Variants in ZBED4 observed in about 807,000 individuals in gnomAD.
The protein encoded by ZBED4 is zinc finger BED domain-containing protein 4.
In ZBED4, 4 loss-of-function variants were observed where a neutral mutation model predicts 15.5. The ratio of observed to expected loss-of-function variants is 0.26; its 90% CI spans 0.13 to 0.59. The LOEUF (loss-of-function observed/expected upper bound fraction) is 0.59. Ranked by LOEUF, ZBED4 falls within the 20% of genes least tolerant of loss-of-function variation. The pLI is 0.90. For synonymous variants in ZBED4, 692 were observed against 608.5 expected, an observed-to-expected ratio of 1.14 and a Z score of -2.02; for missense variants, 1,323 against 1,461.8, an observed-to-expected ratio of 0.91 and a Z score of 1.55.
chr22:49,861,829 T>C (rs1235024842), intron 1 of ZBED4, among the ~76,000 whole-genome samples: 2 of 152,228 alleles, frequency 1.3e-5, no homozygotes, highest in African/African-American at 4.8e-5. Flanking sequence ...CCGCTGTGAC[T>C]GACGTTGCCG....
chr22:49,862,365 A>G (rs1042819799), intron 1 of ZBED4, among the ~76,000 whole-genome samples: 1 of 152,272 alleles, frequency 6.6e-6, no homozygotes, highest in Admixed American at 6.5e-5. Context: ...GTGGCCTGCA[A>G]GTAGCTGGGA....
chr22:49,862,274 GTCTT>G (rs1276949191), intron 1 of ZBED4, among the ~76,000 whole-genome samples: 1 of 151,638 alleles, frequency 6.6e-6, no homozygotes, highest in African/African-American at 2.4e-5. Context: ...TGGTTTCTCT[GTCTT>G]TCTTATTTTT....
intron 1 of ZBED4, among the ~76,000 whole-genome samples, chr22:49,878,121 G>A (rs537827803): frequency 1.0e-3 from 157 of 152,020 alleles, no homozygotes; most frequent in African/African-American, 3.5e-3. Context: ...CCTGGCCAAC[G>A]TGGTGAAACA....
chr22:49,878,736 A>G (rs2060391463), intron 1 of ZBED4, among the ~76,000 whole-genome samples: 1 of 152,210 alleles, frequency 6.6e-6, no homozygotes, highest in African/African-American at 2.4e-5. Flanking sequence ...ATGCTCTTCA[A>G]AATACACTAG....
chr22:49,885,994 G>A lies in ZBED4; in HGVS notation c.2332G>A (p.Asp778Asn), dbSNP rs199547942. ...GTTGGACGTGTCGCAGGTGGACTGCGACTACAGTGGCAACAGCATTCAGAA... is the reference window on the plus strand; with the variant it reads ...GTTGGACGTGTCGCAGGTGGACTGCAACTACAGTGGCAACAGCATTCAGAA... ...ALLDVSQVDC[D>N]YSGNSIQKQL... The change falls in exon 2 of 2, where the codon GAC becomes AAC. Residue 778 changes from aspartate to asparagine, a missense_variant. This residue lies in a region of ZBED4 where 100 missense variants were observed against 79.3 expected (regional missense o/e 1.26). Transcript: ENST00000216268. 80 of 693,604 alleles carry A rather than the reference G, an allele frequency of 1.2e-4. No homozygotes were observed. Among genetic ancestry groups the A allele is most frequent in the Non-Finnish European group, 4.5e-5 (17 of 378,520 alleles). The allele number at this position is 693,604 out of a possible 1,614,324, so 43.0% of individuals were successfully genotyped here. A position where few individuals can be genotyped will look rare whatever the true frequency, so the allele number is the denominator to read the frequency against.
At chr22:49,864,839 A>AAAAG (rs1555922729) in intron 1 of ZBED4, among the ~76,000 whole-genome samples, 1,878 of 133,040 alleles carry the variant, frequency 0.014, 135 homozygotes, top group African/African-American at 0.041. Flanking sequence ...AAAAAAAAAA[A>AAAAG]GCCCTGATTA....
chr22:49,856,402 G>A (rs1184353685), intron 1 of ZBED4, among the ~76,000 whole-genome samples: 2 of 152,220 alleles, frequency 1.3e-5, no homozygotes. Flanking sequence ...CAGTTTCTCA[G>A]GAAAGCATGC....
At chr22:49,861,548 T>C (rs560645890) in intron 1 of ZBED4, among the ~76,000 whole-genome samples, 7 of 151,566 alleles carry the variant, frequency 4.6e-5, no homozygotes, top group Admixed American at 3.3e-4. Flanking sequence ...ATTTTCTCAC[T>C]GTACCCTCCT....
At position 49,883,537 on chromosome 22, in the gene ZBED4, T is replaced by C; in HGVS notation, c.-126T>C. On this transcript the variant is annotated 5_prime_UTR_variant, in exon 2 of 2. Transcript: ENST00000216268. Reference sequence around the variant, plus strand: ...TACTATTTATGATTAGCCATATTTCTAGAAACATCCTGAAAGATGGAATTA... The same window carrying C: ...TACTATTTATGATTAGCCATATTTCCAGAAACATCCTGAAAGATGGAATTA... The C allele has an allele frequency of 7.6e-7, 1 of 1,317,198 alleles. No individual in the cohort carries two copies. 81.6% of individuals were successfully genotyped at this position (1,317,198 alleles called of 1,614,324 possible). A position where few individuals can be genotyped will look rare whatever the true frequency, so the allele number is the denominator to read the frequency against.
At chr22:49,864,952 C>G (rs1408102461) in intron 1 of ZBED4, among the ~76,000 whole-genome samples, 3 of 120,544 alleles carry the variant, frequency 2.5e-5, no homozygotes, top group Admixed American at 1.5e-4. Flanking sequence ...CCCCCCCCCC[C>G]GTGAAGTCAG....
intron 1 of ZBED4, among the ~76,000 whole-genome samples, chr22:49,877,306 T>C (rs2060382137): frequency 7.4e-6 from 1 of 135,106 alleles, no homozygotes; most frequent in East Asian, 2.2e-4. Flanking sequence ...TATTTATTTA[T>C]TTTGAGATGG....
chr22:49,879,951 G>T (rs553789768), intron 1 of ZBED4, among the ~76,000 whole-genome samples: 2 of 148,524 alleles, frequency 1.3e-5, no homozygotes, highest in African/African-American at 4.9e-5. Context: ...CTATTGGTTG[G>T]TTTTTCTCCT....
chr22:49,867,724 A>T (rs189709277), intron 1 of ZBED4, among the ~76,000 whole-genome samples: 1 of 152,190 alleles, frequency 6.6e-6, no homozygotes, highest in Non-Finnish European at 1.5e-5. Context: ...CAGATCTAAT[A>T]CCATCTAGGC....
intron 1 of ZBED4, among the ~76,000 whole-genome samples, chr22:49,874,431 G>A (rs371700316): frequency 3.0e-4 from 46 of 151,136 alleles, no homozygotes; most frequent in African/African-American, 1.1e-3. Context: ...TATCTCCCAG[G>A]CTGGAGTGCA....
chr22:49,871,935 G>A (rs1161703187), intron 1 of ZBED4, among the ~76,000 whole-genome samples: 2 of 151,894 alleles, frequency 1.3e-5, no homozygotes, highest in Non-Finnish European at 2.9e-5. Context: ...TAGTAGAGAC[G>A]AGGTTTCACC....
rs1024411147 is a variant in ZBED4, at chr22:49,853,861, C to CGCGGGCGGCGGGCG, written c.-452_-439dup. Reference sequence around the variant, plus strand: ...GGAGGGGCGCAGCGTCCGGCGGCGTCGCGGGCGGCGGGCGGCGGGGCCGCG... The same window carrying CGCGGGCGGCGGGCG: ...GGAGGGGCGCAGCGTCCGGCGGCGTCGCGGGCGGCGGGCGGCGGGCGGCGGGCGGCGGGGCCGCG... On this transcript the variant is annotated 5_prime_UTR_variant, in exon 1 of 2. Coordinates refer to ENST00000216268, the MANE Select transcript of ZBED4 (RefSeq NM_014838.3). 1 of 143,790 alleles carries CGCGGGCGGCGGGCG rather than the reference C, an allele frequency of 7.0e-6. No homozygotes were observed. The highest frequency in any genetic ancestry group is 1.5e-5 in the Non-Finnish European group (1 of 65,046). 8.9% of individuals were successfully genotyped at this position (143,790 alleles called of 1,614,324 possible).
At chr22:49,857,204 C>T (rs1056467861) in intron 1 of ZBED4, among the ~76,000 whole-genome samples, 4 of 152,192 alleles carry the variant, frequency 2.6e-5, no homozygotes, top group Non-Finnish European at 4.4e-5. Flanking sequence ...CTGGTTGCTC[C>T]GTCATAGAAG....
rs1018940571 is a variant in ZBED4, at chr22:49,887,828, T to C, written c.*650T>C. 4 of 167,294 alleles carry C rather than the reference T, an allele frequency of 2.4e-5. No homozygotes were observed. Among genetic ancestry groups the C allele is most frequent in the African/African-American group, 7.2e-5 (3 of 41,464 alleles). The allele number at this position is 167,294 out of a possible 1,614,324, so 10.4% of individuals were successfully genotyped here. A position where few individuals can be genotyped will look rare whatever the true frequency, so the allele number is the denominator to read the frequency against. ...ATTTCAGGTTTCTGCATTCAGGCTT[T>C]ACATGGTCAGTTAACTCAGAGATAC... is the stretch of plus-strand genomic sequence containing the variant. On this transcript the variant is annotated 3_prime_UTR_variant, in exon 2 of 2. Transcript: ENST00000216268.
At chr22:49,868,267 G>A (rs1454669848) in intron 1 of ZBED4, among the ~76,000 whole-genome samples, 2 of 152,178 alleles carry the variant, frequency 1.3e-5, no homozygotes, top group Non-Finnish European at 2.9e-5. Context: ...ATAAAATATA[G>A]GCAGTGTTAC....
Sources: gnomAD v4.1 joint callset for allele counts (sites outside exome capture counted in the v4.1 genomes callset) on GRCh38, gnomAD v4.1.1 for gene constraint, gnomAD v4.1.1 regional missense constraint, MANE v1.5 for transcripts, NCBI Gene and HGNC (gene_info 2026-07-23, HGNC 2026-07-21) for gene names.